CLVS1: variants seen among roughly 807,000 people sequenced by gnomAD.
The protein encoded by CLVS1 is clavesin 1, also known as clavesin-1.
A neutral mutation model predicts 33.1 loss-of-function variants in CLVS1; 10 were observed. The ratio of observed to expected loss-of-function variants is 0.30; its 90% CI spans 0.19 to 0.51. CLVS1 has a LOEUF of 0.51. CLVS1 is among the 20% of genes least tolerant of loss of function. CLVS1 has a pLI of 0.97. For missense variants in CLVS1, 343 were observed against 433.4 expected (o/e 0.79, Z 1.85); for synonymous variants, 163 against 166.1 (o/e 0.98, Z 0.14).
At chr8:60,982,262 G>T in the CLVS1 span, among the ~76,000 whole-genome samples, 1 of 152,208 alleles carries the variant, frequency 6.6e-6, no homozygotes, top group African/African-American at 2.4e-5. Flanking sequence ...GAGGCTTTCT[G>T]AACACTAATA....
chr8:61,431,401 C>CT (rs1364174704), intron 3 of CLVS1, among the ~76,000 whole-genome samples: 2 of 152,190 alleles, frequency 1.3e-5, no homozygotes, highest in South Asian at 4.1e-4. Context: ...ACCTGGAATT[C>CT]TTTTTTGTAT....
chr8:61,007,955 T>A, the CLVS1 span, among the ~76,000 whole-genome samples: 1 of 152,128 alleles, frequency 6.6e-6, no homozygotes, highest in Non-Finnish European at 1.5e-5. Flanking sequence ...CAAGAATGAT[T>A]GCAGGAGACA....
chr8:61,422,260 G>T (rs1238716661), intron 3 of CLVS1, among the ~76,000 whole-genome samples: 2 of 152,160 alleles, frequency 1.3e-5, no homozygotes, highest in African/African-American at 4.8e-5. Context: ...TGAAATTGGA[G>T]ATTACACATC....
At chr8:61,040,502 A>AT in the CLVS1 span, among the ~76,000 whole-genome samples, 3 of 152,104 alleles carry the variant, frequency 2.0e-5, no homozygotes, top group East Asian at 1.9e-4. Context: ...AGCCTCTGTT[A>AT]TTTTTTATCA....
At chr8:61,285,927 A>G (rs1242699357), upstream of CLVS1, among the ~76,000 whole-genome samples, 1 of 150,902 alleles carries the variant, frequency 6.6e-6, no homozygotes, top group Non-Finnish European at 1.5e-5. Context: ...AGAATATTCT[A>G]GTTAACTGGA....
At chr8:61,287,491 T>C (rs1410867394), upstream of CLVS1, among the ~76,000 whole-genome samples, 7 of 152,208 alleles carry the variant, frequency 4.6e-5, no homozygotes, top group Non-Finnish European at 8.8e-5. Context: ...CTTTTTCTTT[T>C]TTATGTCTTC....
the CLVS1 span, among the ~76,000 whole-genome samples, chr8:61,016,868 T>C: frequency 1.3e-5 from 2 of 151,948 alleles, no homozygotes; most frequent in Non-Finnish European, 2.9e-5. Context: ...GAAAGAGGGG[T>C]ACTGTTTAGT....
At chr8:61,374,999 C>G (rs1813586091) in intron 2 of CLVS1, among the ~76,000 whole-genome samples, 1 of 152,066 alleles carries the variant, frequency 6.6e-6, no homozygotes. Context: ...GTCTTGCTCC[C>G]CCTTTTCCCA....
chr8:61,190,645 A>G (rs886785087), intron 2 of CLVS1, among the ~76,000 whole-genome samples: 1 of 152,230 alleles, frequency 6.6e-6, no homozygotes, highest in Non-Finnish European at 1.5e-5. Context: ...TTAAAGAAGA[A>G]AAGAGAGAAG....
intron 1 of CLVS1, chr8:61,292,362 A>C (rs1044327322): frequency 1.3e-5 from 6 of 456,100 alleles, no homozygotes; most frequent in African/African-American, 1.2e-4. Flanking sequence ...TTGTCTGTGC[A>C]ATCACATCCA....
intron 2 of CLVS1, among the ~76,000 whole-genome samples, chr8:61,166,138 T>A (rs542325206): frequency 0.019 from 2,625 of 137,120 alleles, 80 homozygotes; most frequent in African/African-American, 0.068. Context: ...TTTTATTTTT[T>A]TTTTTTTGAG....
intron 1 of CLVS1, among the ~76,000 whole-genome samples, chr8:61,118,120 A>T: frequency 6.6e-6 from 1 of 151,780 alleles, no homozygotes; most frequent in South Asian, 2.1e-4. Flanking sequence ...TGTGTCGAGG[A>T]ATTTATCCAT....
At chr8:61,247,828 T>G (rs72657026) in intron 2 of CLVS1, among the ~76,000 whole-genome samples, 11,613 of 152,214 alleles carry the variant, frequency 0.076, 602 homozygotes, top group East Asian at 0.16. Flanking sequence ...GTTGCCATTG[T>G]TTCTGGTGTT....
intron 2 of CLVS1, among the ~76,000 whole-genome samples, chr8:61,190,678 A>T (rs1250010474): frequency 8.5e-5 from 13 of 152,228 alleles, no homozygotes; most frequent in Non-Finnish European, 1.8e-4. Context: ...ACAATAAAAA[A>T]TCATAAAGGA....
intron 2 of CLVS1, among the ~76,000 whole-genome samples, chr8:61,221,572 T>G (rs75100308): frequency 0.066 from 10,093 of 152,296 alleles, 448 homozygotes; most frequent in East Asian, 0.15. Context: ...AATGTGCTGC[T>G]GGATTCAGTT....
intron 5 of CLVS1, among the ~76,000 whole-genome samples, chr8:61,495,814 C>T (rs573541256): frequency 6.6e-6 from 1 of 152,276 alleles, no homozygotes; most frequent in Non-Finnish European, 1.5e-5. Context: ...TTATTTTATT[C>T]TGAGGTCACA....
intron 2 of CLVS1, among the ~76,000 whole-genome samples, chr8:61,347,708 C>A: frequency 8.5e-6 from 1 of 117,334 alleles, no homozygotes; most frequent in South Asian, 2.9e-4. Context: ...TGTGGAATAG[C>A]CAAATTGAGC....
At chr8:61,331,665 CT>C (rs920033288) in intron 2 of CLVS1, among the ~76,000 whole-genome samples, 6 of 152,034 alleles carry the variant, frequency 3.9e-5, no homozygotes, top group Non-Finnish European at 7.4e-5. Context: ...TCTAAGTGTA[CT>C]TTTTTGGCTA....
chr8:61,379,925 GTGGTTC>G (rs1417632362), intron 3 of CLVS1, among the ~76,000 whole-genome samples: 2 of 152,214 alleles, frequency 1.3e-5, no homozygotes, highest in Admixed American at 1.3e-4. Context: ...CTTGGGCAAA[GTGGTTC>G]TCTTCAGCTA....
Sources: gnomAD v4.1 joint callset for allele counts (sites outside exome capture counted in the v4.1 genomes callset) on GRCh38, gnomAD v4.1.1 for gene constraint, MANE v1.5 for transcripts, NCBI Gene and HGNC (gene_info 2026-07-23, HGNC 2026-07-21) for gene names.